SLC27A2: variants seen among roughly 807,000 people sequenced by gnomAD.
SLC27A2 encodes solute carrier family 27 member 2, also known as long-chain fatty acid transport protein 2.
A neutral mutation model predicts 60.0 loss-of-function variants in SLC27A2; 54 were observed. The ratio of observed to expected loss-of-function variants is 0.90; its 90% confidence interval spans 0.72 to 1.13. SLC27A2 has a LOEUF of 1.13. Among genes scored for constraint, SLC27A2 ranks in the 50% most tolerant of loss-of-function variants. SLC27A2 has a pLI of 0.00. For missense variants in SLC27A2, 739 were observed against 777.6 expected (o/e 0.95, Z 0.59); for synonymous variants, 297 against 297.6 (o/e 1.00, Z 0.02).
At chr15:50,187,259 C>T (rs997063181) in intron 1 of SLC27A2, among the ~76,000 whole-genome samples, 10 of 152,196 alleles carry the variant, frequency 6.6e-5, no homozygotes, top group Non-Finnish European at 2.9e-5. Flanking sequence ...AGGGTATGAT[C>T]TAGGTAATCA....
intron 3 of SLC27A2, 34 bp downstream of exon 3, chr15:50,202,679 G>A: frequency 6.2e-7 from 1 of 1,602,146 alleles, no homozygotes; most frequent in Non-Finnish European, 8.5e-7. Context: ...GGAGGCGAGT[G>A]CACATTTACA....
intron 5 of SLC27A2, among the ~76,000 whole-genome samples, chr15:50,223,423 A>T (rs1373189192): frequency 6.6e-6 from 1 of 152,210 alleles, no homozygotes; most frequent in Non-Finnish European, 1.5e-5. Flanking sequence ...TCCTGATGCC[A>T]TTTATACTTG....
At chr15:50,195,715 A>G (rs2045008980) in intron 1 of SLC27A2, among the ~76,000 whole-genome samples, 1 of 151,886 alleles carries the variant, frequency 6.6e-6, no homozygotes. Flanking sequence ...GAGATATCAT[A>G]CACAAACATC....
chr15:50,196,442 G>A (rs112623485), intron 1 of SLC27A2, among the ~76,000 whole-genome samples: 1,650 of 152,016 alleles, frequency 0.011, 30 homozygotes, highest in African/African-American at 0.038. Flanking sequence ...GTGTGTACTA[G>A]GCATTTTTCA....
At chr15:50,201,561 C>CTT (rs112780212) in intron 2 of SLC27A2, among the ~76,000 whole-genome samples, 3 of 145,430 alleles carry the variant, frequency 2.1e-5, no homozygotes, top group African/African-American at 7.6e-5. Flanking sequence ...GTGCATATTT[C>CTT]TTTTTTTTTT....
intron 1 of SLC27A2, among the ~76,000 whole-genome samples, chr15:50,191,933 G>A (rs939946471): frequency 4.6e-5 from 7 of 151,814 alleles, no homozygotes; most frequent in Admixed American, 1.3e-4. Flanking sequence ...GGTGACAGCC[G>A]CCTGTAATCC....
chr15:50,213,889 A>G (rs2045175808), intron 4 of SLC27A2, among the ~76,000 whole-genome samples: 1 of 152,124 alleles, frequency 6.6e-6, no homozygotes, highest in Non-Finnish European at 1.5e-5. Flanking sequence ...ATCTAAGGTC[A>G]CACCTCAAGA....
chr15:50,222,997 G>C lies in SLC27A2; in HGVS notation c.1005G>C (p.Leu335=), dbSNP rs772370499. ...KPNDRDHKVR[L]ALGNGLRGDV... ...ATGACCGTGATCATAAAGTGAGACT[G>C]GCACTGGGAAATGGCTTACGAGGAG... The change falls in exon 5 of 10, where the codon CTG becomes CTC. Residue 335 remains leucine (L), a synonymous_variant. Coordinates refer to ENST00000267842, the MANE Select transcript of SLC27A2 (RefSeq NM_003645.4). 1 of 1,612,952 alleles carries C rather than the reference G, an allele frequency of 6.2e-7. No homozygotes were observed. Among genetic ancestry groups the C allele is most frequent in the Non-Finnish European group, 8.5e-7 (1 of 1,179,568 alleles).
Position 50,229,022 on chromosome 15 carries a change from T to G in SLC27A2, c.1535T>G (p.Val512Gly), listed in dbSNP as rs1950915769. The G allele has an allele frequency of 6.2e-7, 1 of 1,611,014 alleles. No individual in the cohort carries two copies. Among genetic ancestry groups the G allele is most frequent in the South Asian group, 1.1e-5 (1 of 91,036 alleles). Residue 512 changes from valine (V) to glycine (G), a missense_variant, in exon 8 of 10, where the codon GTT becomes GGT. Transcript: ENST00000267842. The part of the protein sequence containing the change: ...GLVDFVQEVN[V>G]YGVHVPDHEG... ...GTTGATTTTGTCCAAGAAGTAAATG[T>G]TTATGGAGTGCATGTGCCAGGTATA...
chr15:50,204,317 A>G (rs1340091014), intron 3 of SLC27A2, among the ~76,000 whole-genome samples: 2 of 152,030 alleles, frequency 1.3e-5, no homozygotes, highest in African/African-American at 4.8e-5. Flanking sequence ...AAATACAAAA[A>G]TTAGCCAGGC....
intron 1 of SLC27A2, among the ~76,000 whole-genome samples, chr15:50,190,617 T>TAA (rs10532098): frequency 1.4e-5 from 2 of 147,976 alleles, no homozygotes; most frequent in African/African-American, 2.5e-5. Flanking sequence ...CCTTTTTCCT[T>TAA]AAAAAAAAAA....
Position 50,235,956 on chromosome 15 carries a change from A to C in SLC27A2, c.1723A>C (p.Lys575Gln), listed in dbSNP as rs149403239. 6.2e-7 allele frequency: 1 copy of C among 1,613,598 alleles called. No individual in the cohort carries two copies. Among genetic ancestry groups the C allele is most frequent in the Non-Finnish European group, 8.5e-7 (1 of 1,179,882 alleles). ...IEITGTFKHR[K>Q]MTLVEEGFNP... ...GATCACTGGAACTTTTAAACACCGC[A>C]AAATGACCCTGGTGGAGGAGGGCTT... The change falls in exon 10 of 10, where the codon AAA (lysine) becomes CAA (glutamine). Residue 575 changes from lysine to glutamine, a missense_variant. Lys to Gln is a moderately conservative substitution (Grantham distance 53). Coordinates refer to ENST00000267842, the MANE Select transcript of SLC27A2 (RefSeq NM_003645.4).
intron 9 of SLC27A2, among the ~76,000 whole-genome samples, chr15:50,235,263 TTTGA>T (rs1281842446): frequency 6.6e-6 from 1 of 152,212 alleles, no homozygotes. Flanking sequence ...CCTCAGATAT[TTTGA>T]TTAACACATA....
chr15:50,207,496 T>G (rs2045122081), intron 4 of SLC27A2, among the ~76,000 whole-genome samples: 1 of 151,918 alleles, frequency 6.6e-6, no homozygotes, highest in East Asian at 1.9e-4. Flanking sequence ...TTTTTTAAAT[T>G]ATAGGTCATC....
intron 1 of SLC27A2, 22 bp downstream of exon 1, chr15:50,182,927 G>C: frequency 1.3e-6 from 2 of 1,579,082 alleles, no homozygotes; most frequent in East Asian, 2.2e-5. Flanking sequence ...GGATCGCCCT[G>C]CCCTGGCACC....
chr15:50,191,642 G>A (rs539279866), intron 1 of SLC27A2, among the ~76,000 whole-genome samples: 3 of 152,236 alleles, frequency 2.0e-5, no homozygotes, highest in South Asian at 2.1e-4. Context: ...TGCACATCTC[G>A]GAGTCTCAGA....
At chr15:50,182,926 T>C in intron 1 of SLC27A2, 21 bp downstream of exon 1, 2 of 1,580,798 alleles carry the variant, frequency 1.3e-6, no homozygotes, top group African/African-American at 1.3e-5. Context: ...AGGATCGCCC[T>C]GCCCTGGCAC....
intron 6 of SLC27A2, 171 bp downstream of exon 6, chr15:50,226,249 T>C: frequency 1.9e-6 from 1 of 522,636 alleles, no homozygotes; most frequent in Non-Finnish European, 3.5e-6. Context: ...AATTTACCGC[T>C]GCATGTAACA....
At chr15:50,207,731 T>A (rs775050734) in intron 4 of SLC27A2, among the ~76,000 whole-genome samples, 3 of 148,936 alleles carry the variant, frequency 2.0e-5, no homozygotes, top group Middle Eastern at 3.5e-3. Context: ...CAGATGTTGC[T>A]GTGAGCCAAG....
Sources: gnomAD v4.1 joint callset for allele counts (sites outside exome capture counted in the v4.1 genomes callset) on GRCh38, gnomAD v4.1.1 for gene constraint, MANE v1.5 for transcripts, NCBI Gene and HGNC (gene_info 2026-07-23, HGNC 2026-07-21) for gene names.